DPH6: variants seen among roughly 807,000 people sequenced by gnomAD.
DPH6 encodes the protein diphthine--ammonia ligase.
Under a neutral mutation model 38.2 loss-of-function variants are expected in DPH6, and 33 were observed. The ratio of observed to expected loss-of-function variants is 0.86; its 90% CI spans 0.65 to 1.15. The LOEUF (loss-of-function observed/expected upper bound fraction) is 1.15. Among genes scored for constraint, DPH6 ranks in the 50% most tolerant of loss-of-function variants. The probability of loss-of-function intolerance (pLI) is 0.00; values close to 1 mark genes in which losing one functional copy is unlikely to be tolerated. For synonymous variants in DPH6, 108 were observed against 103.0 expected, an observed-to-expected ratio of 1.05 and a Z score of -0.30; for missense variants, 325 against 320.0, an observed-to-expected ratio of 1.02 and a Z score of -0.12.
chr15:35,325,154 C>T (rs984549022), intron 3 of DPH6, among the ~76,000 whole-genome samples: 1 of 152,066 alleles, frequency 6.6e-6, no homozygotes, highest in Non-Finnish European at 1.5e-5. Flanking sequence ...ACATTTTCCC[C>T]TAATTACTTT....
At position 35,436,699 on chromosome 15, in the gene DPH6, A is replaced by C. The variant is rs116345041; in HGVS notation, c.505+13986T>G. The stretch of plus-strand genomic sequence containing the variant: ...CAGCAGTGAATACAGCTTTGCATTT[A>C]AGTTTTTTTTGTTTTTCTCCATCCT... On this transcript the variant is annotated intron_variant, in intron 5 of 8. Coordinates refer to ENST00000256538, the MANE Select transcript of DPH6 (RefSeq NM_080650.4). Among the ~76,000 whole-genome samples the C allele has an allele frequency of 4.9e-3, 749 of 151,334 alleles. 9 individuals are homozygous for C. Among genetic ancestry groups the C allele is most frequent in the African/African-American group, 0.017 (719 of 41,262 alleles).
chr15:35,535,573 C>T (rs534839234), intron 3 of DPH6, among the ~76,000 whole-genome samples: 1 of 152,170 alleles, frequency 6.6e-6, no homozygotes, highest in South Asian at 2.1e-4. Context: ...GTAACTATTA[C>T]ACTGCTCACG....
At chr15:35,302,120 G>T (rs1312324274) in intron 3 of DPH6, among the ~76,000 whole-genome samples, 1 of 151,838 alleles carries the variant, frequency 6.6e-6, no homozygotes, top group African/African-American at 2.4e-5. Flanking sequence ...ATCATATCTA[G>T]AACTAAGACA....
At chr15:35,237,469 T>C (rs2051561484) in intron 3 of DPH6, 21 of 1,593,506 alleles carry the variant, frequency 1.3e-5, no homozygotes, top group Non-Finnish European at 1.7e-5. Context: ...AATTCTTCAG[T>C]GCAACCAACG....
intron 6 of DPH6, among the ~76,000 whole-genome samples, chr15:35,386,523 T>C (rs2052960833): frequency 6.6e-6 from 1 of 152,238 alleles, no homozygotes; most frequent in African/African-American, 2.4e-5. Flanking sequence ...CCTGACTTTT[T>C]AATGATCGCC....
intron 3 of DPH6, among the ~76,000 whole-genome samples, chr15:35,494,543 T>C (rs1197475384): frequency 6.6e-6 from 1 of 152,132 alleles, no homozygotes; most frequent in Non-Finnish European, 1.5e-5. Flanking sequence ...TGGCTGAATT[T>C]TTTACTTTTT....
intron 3 of DPH6, among the ~76,000 whole-genome samples, chr15:35,242,943 G>A (rs318352): frequency 0.79 from 111,489 of 140,566 alleles, 48,742 homozygotes; most frequent in Non-Finnish European, 0.93. Context: ...TTTCCAAGCC[G>A]TCACAGCTGA....
At chr15:35,528,868 C>T (rs778235279) in intron 3 of DPH6, among the ~76,000 whole-genome samples, 20 of 152,156 alleles carry the variant, frequency 1.3e-4, no homozygotes, top group African/African-American at 4.8e-4. Flanking sequence ...TTAGAAAATA[C>T]CATCTCAGGG....
intron 5 of DPH6, among the ~76,000 whole-genome samples, chr15:35,430,185 T>C (rs938840158): frequency 3.3e-5 from 5 of 152,158 alleles, no homozygotes; most frequent in Non-Finnish European, 7.4e-5. Context: ...TTTGAAGTCA[T>C]GTGAATGCTA....
chr15:35,472,405 T>C (rs989643425), intron 3 of DPH6, among the ~76,000 whole-genome samples: 1 of 152,086 alleles, frequency 6.6e-6, no homozygotes, highest in Non-Finnish European at 1.5e-5. Flanking sequence ...AAGTGGCAGG[T>C]CAGCAACAGC....
intron 6 of DPH6, among the ~76,000 whole-genome samples, chr15:35,385,890 C>T (rs2052947064): frequency 6.6e-6 from 1 of 151,924 alleles, no homozygotes; most frequent in Non-Finnish European, 1.5e-5. Context: ...TACATGTGCA[C>T]AACGTGCAGG....
At chr15:35,449,496 A>T (rs1318009890) in intron 5 of DPH6, among the ~76,000 whole-genome samples, 1 of 152,118 alleles carries the variant, frequency 6.6e-6, no homozygotes, top group Non-Finnish European at 1.5e-5. Flanking sequence ...AAGGAATAGT[A>T]TGTGTACCTT....
chr15:35,299,177 C>G, intron 3 of DPH6: 2 of 1,347,596 alleles, frequency 1.5e-6, no homozygotes, highest in Non-Finnish European at 2.1e-6. Context: ...TCAGAACTTC[C>G]CCTGCAGAAA....
At chr15:35,244,407 G>A (rs905880015) in intron 3 of DPH6, among the ~76,000 whole-genome samples, 1 of 152,154 alleles carries the variant, frequency 6.6e-6, no homozygotes, top group Admixed American at 6.5e-5. Context: ...ATTGATTGGT[G>A]TGGTGTCCCC....
chr15:35,215,689 G>T (rs940702513), downstream of DPH6, among the ~76,000 whole-genome samples: 2 of 152,160 alleles, frequency 1.3e-5, no homozygotes, highest in African/African-American at 4.8e-5. Context: ...TTTAACAACA[G>T]CTACCATTTA....
intron 3 of DPH6, among the ~76,000 whole-genome samples, chr15:35,316,688 G>GT (rs1273914096): frequency 6.6e-6 from 1 of 152,104 alleles, no homozygotes; most frequent in African/African-American, 2.4e-5. Flanking sequence ...ACAGAACAAT[G>GT]TAAGTAATAA....
chr15:35,335,679 A>T (rs2052365726), intron 3 of DPH6, among the ~76,000 whole-genome samples: 1 of 151,136 alleles, frequency 6.6e-6, no homozygotes, highest in African/African-American at 2.4e-5. Flanking sequence ...TTTTTGTCAA[A>T]GATCAGATGA....
the DPH6 span, among the ~76,000 whole-genome samples, chr15:35,198,021 T>C: frequency 6.6e-6 from 1 of 152,112 alleles, no homozygotes; most frequent in African/African-American, 2.4e-5. Flanking sequence ...GGCACATATT[T>C]TATATAAAAA....
chr15:35,545,750 C>T (rs957862777), intron 1 of DPH6, among the ~76,000 whole-genome samples: 1 of 151,856 alleles, frequency 6.6e-6, no homozygotes, highest in African/African-American at 2.4e-5. Flanking sequence ...CCAAACTTCA[C>T]GGCTCATTAG....
Sources: allele counts gnomAD v4.1 joint callset (sites outside exome capture counted in the v4.1 genomes callset), GRCh38; gene constraint gnomAD v4.1.1; transcripts MANE v1.5; gene names NCBI Gene and HGNC (gene_info 2026-07-23, HGNC 2026-07-21).